The following MAP3K7 variants were observed in gnomAD, a reference collection of about 807,000 sequenced individuals.
The protein encoded by MAP3K7 is TGF-beta activated kinase 1.
Under a neutral mutation model 84.8 loss-of-function variants are expected in MAP3K7, and 21 were observed. That is an observed-to-expected ratio of 0.25 (90% confidence interval 0.18 to 0.36). MAP3K7 has a LOEUF of 0.36. Ranked by LOEUF, MAP3K7 falls within the 10% of genes least tolerant of loss-of-function variation. The probability of loss-of-function intolerance (pLI) is 1.00; values close to 1 mark genes in which losing one functional copy is unlikely to be tolerated. For missense variants in MAP3K7, 503 were observed against 747.7 expected (o/e 0.67, Z 3.82); for synonymous variants, 241 against 247.7 (o/e 0.97, Z 0.25).
At chr6:90,578,680 C>G (rs147042853) in intron 1 of MAP3K7, among the ~76,000 whole-genome samples, 1 of 152,124 alleles carries the variant, frequency 6.6e-6, no homozygotes, top group East Asian at 1.9e-4. Flanking sequence ...AAGTTGTTTC[C>G]TGGTATATTT....
chr6:90,534,680 G>T (rs569799531), intron 13 of MAP3K7, among the ~76,000 whole-genome samples: 2 of 152,298 alleles, frequency 1.3e-5, no homozygotes, highest in South Asian at 4.1e-4. Flanking sequence ...AAATAAGTAA[G>T]ACTTGGTGTG....
chr6:90,548,719 T>C (rs1325017867), intron 9 of MAP3K7, among the ~76,000 whole-genome samples: 7 of 150,074 alleles, frequency 4.7e-5, no homozygotes, highest in Admixed American at 2.7e-4. Context: ...CATTTCTAGG[T>C]TGGGGAGATG....
intron 1 of MAP3K7, among the ~76,000 whole-genome samples, chr6:90,579,114 T>G (rs1777181796): frequency 6.6e-6 from 1 of 152,192 alleles, no homozygotes; most frequent in Non-Finnish European, 1.5e-5. Flanking sequence ...CTGCCAGGAT[T>G]TGGTCCAGTG....
chr6:90,559,143 C>G (rs779276431), intron 5 of MAP3K7, among the ~76,000 whole-genome samples: 1 of 152,100 alleles, frequency 6.6e-6, no homozygotes, highest in Non-Finnish European at 1.5e-5. Flanking sequence ...TATCAGTGAC[C>G]TGGGGAAACA....
chr6:90,535,565 T>A (rs1054366655), intron 13 of MAP3K7, among the ~76,000 whole-genome samples: 12 of 152,028 alleles, frequency 7.9e-5, no homozygotes, highest in Admixed American at 5.9e-4. Flanking sequence ...TCATTCATTT[T>A]ACAGAATATA....
rs1471337601 is a variant in MAP3K7, at chr6:90,586,353, T to C, written c.120+411A>G. 1.9e-4 allele frequency among the ~76,000 whole-genome samples: 23 copies of C among 118,376 alleles called. No homozygotes were observed. In the Admixed American group the frequency reaches 2.6e-3, roughly 13 times the overall value. The allele number at this position is 118,376 out of a possible 152,430, so 77.7% of individuals were successfully genotyped here. A position where few individuals can be genotyped will look rare whatever the true frequency, so the allele number is the denominator to read the frequency against. ...CGCCACTGCAGTCCGCAGTCCGGCCTGGGCGACAGAGCGAGACTCCGTCTC... is the reference window on the plus strand; with the variant it reads ...CGCCACTGCAGTCCGCAGTCCGGCCCGGGCGACAGAGCGAGACTCCGTCTC... On this transcript the variant is annotated intron_variant, in intron 1 of 16. Coordinates refer to ENST00000369329, the MANE Select transcript of MAP3K7 (RefSeq NM_145331.3).
chr6:90,556,873 A>T (rs1027517974), intron 5 of MAP3K7, among the ~76,000 whole-genome samples: 21 of 152,294 alleles, frequency 1.4e-4, no homozygotes, highest in African/African-American at 4.6e-4. Context: ...TGATGTCTTC[A>T]TCTCTAGCTC....
chr6:90,564,636 C>G (rs954955817), intron 3 of MAP3K7, among the ~76,000 whole-genome samples: 4 of 152,124 alleles, frequency 2.6e-5, no homozygotes, highest in Non-Finnish European at 5.9e-5. Flanking sequence ...CTTTAACACC[C>G]CACTGTCAAT....
At chr6:90,547,613 A>G (rs1292667524) in intron 10 of MAP3K7, among the ~76,000 whole-genome samples, 1 of 152,196 alleles carries the variant, frequency 6.6e-6, no homozygotes, top group Non-Finnish European at 1.5e-5. Context: ...AAAAGCCCCA[A>G]TTATTCGTTA....
chr6:90,538,808 G>C (rs1045231840), intron 12 of MAP3K7, among the ~76,000 whole-genome samples: 1 of 151,864 alleles, frequency 6.6e-6, no homozygotes, highest in East Asian at 1.9e-4. Flanking sequence ...GAGACTGCTG[G>C]CTTAGGTCCC....
intron 13 of MAP3K7, among the ~76,000 whole-genome samples, chr6:90,525,205 AAAAG>A (rs1198546107): frequency 6.6e-6 from 1 of 152,156 alleles, no homozygotes; most frequent in African/African-American, 2.4e-5. Flanking sequence ...AAAGGATAAA[AAAAG>A]AAAACCAGGC....
intron 1 of MAP3K7, among the ~76,000 whole-genome samples, chr6:90,584,005 T>C (rs150980545): frequency 1.1e-3 from 172 of 152,358 alleles, no homozygotes; most frequent in Admixed American, 1.5e-3. Context: ...CTTAGAAATA[T>C]GTATCTACTA....
chr6:90,560,527 A>C (rs1776476820), intron 4 of MAP3K7, among the ~76,000 whole-genome samples: 1 of 151,874 alleles, frequency 6.6e-6, no homozygotes, highest in Non-Finnish European at 1.5e-5. Flanking sequence ...ACGCCCAGCT[A>C]ATTTTTGTAT....
At chr6:90,525,070 A>G (rs1775276307) in intron 13 of MAP3K7, among the ~76,000 whole-genome samples, 1 of 152,194 alleles carries the variant, frequency 6.6e-6, no homozygotes, top group Non-Finnish European at 1.5e-5. Flanking sequence ...ATCAGTAACC[A>G]CAATAAATGT....
At chr6:90,544,473 G>T in intron 12 of MAP3K7, 79 bp downstream of exon 12, 2 of 1,265,778 alleles carry the variant, frequency 1.6e-6, no homozygotes, top group Non-Finnish European at 2.3e-6. Context: ...AAAAATTGGA[G>T]CAAGAAGCAT....
At chr6:90,561,014 C>T (rs1309507954) in intron 4 of MAP3K7, among the ~76,000 whole-genome samples, 1 of 151,958 alleles carries the variant, frequency 6.6e-6, no homozygotes, top group Non-Finnish European at 1.5e-5. Flanking sequence ...ATGATGAACA[C>T]ATGGGCAGTA....
chr6:90,536,498 T>G, intron 12 of MAP3K7, 97 bp from the exon 13 acceptor site: 1 of 718,576 alleles, frequency 1.4e-6, no homozygotes, highest in Non-Finnish European at 2.2e-6. Context: ...TGTTGCTCCT[T>G]GGATCTACAC....
chr6:90,577,339 T>C (rs1395196101), intron 1 of MAP3K7, among the ~76,000 whole-genome samples: 1 of 152,140 alleles, frequency 6.6e-6, no homozygotes, highest in Non-Finnish European at 1.5e-5. Context: ...AAGTTTAAGA[T>C]GCCTACTGGA....
chr6:90,535,313 T>C (rs1006279640), intron 13 of MAP3K7, among the ~76,000 whole-genome samples: 3 of 151,832 alleles, frequency 2.0e-5, no homozygotes, highest in African/African-American at 7.2e-5. Flanking sequence ...AATACCTTTT[T>C]AGGATGACAA....
Sources: allele counts gnomAD v4.1 joint callset (sites outside exome capture counted in the v4.1 genomes callset), GRCh38; gene constraint gnomAD v4.1.1; transcripts MANE v1.5; gene names NCBI Gene and HGNC (gene_info 2026-07-23, HGNC 2026-07-21).